C6orf118: variants seen among roughly 807,000 people sequenced by gnomAD.
C6orf118 encodes chromosome 6 open reading frame 118.
C6orf118 carries 50 observed loss-of-function variants against 50.2 expected under a neutral mutation model. That is an observed-to-expected ratio of 1.00 (90% CI 0.79 to 1.26). The LOEUF is 1.26. Among genes scored for constraint, C6orf118 ranks in the 50% most tolerant of loss-of-function variants. The pLI is 0.00. For missense variants in C6orf118, 641 were observed against 578.7 expected (o/e 1.11, Z -1.10); for synonymous variants, 239 against 230.9 (o/e 1.03, Z -0.32).
At chr6:165,295,764 A>G (rs1223019266) in intron 5 of C6orf118, among the ~76,000 whole-genome samples, 1 of 151,412 alleles carries the variant, frequency 6.6e-6, no homozygotes, top group Admixed American at 6.6e-5. Context: ...TTTCCTTTTT[A>G]TAGGTTTCTA....
At chr6:165,294,555 TAA>T (rs1321643394) in intron 5 of C6orf118, among the ~76,000 whole-genome samples, 9 of 152,082 alleles carry the variant, frequency 5.9e-5, no homozygotes, top group Non-Finnish European at 1.3e-4. Context: ...CATCACAGAT[TAA>T]GAGAGAAATA....
At chr6:165,280,324 A>G (rs1779685111) in intron 8 of C6orf118, among the ~76,000 whole-genome samples, 1 of 152,226 alleles carries the variant, frequency 6.6e-6, no homozygotes, top group African/African-American at 2.4e-5. Flanking sequence ...ATTCCCCTGT[A>G]GCATATAGTG....
intron 7 of C6orf118, among the ~76,000 whole-genome samples, chr6:165,288,837 T>G (rs1291885668): frequency 6.6e-6 from 1 of 152,072 alleles, no homozygotes; most frequent in African/African-American, 2.4e-5. Context: ...ATGTTGGGTT[T>G]AATCCCTAGG....
chr6:165,289,392 A>G (rs1267125915), intron 7 of C6orf118, among the ~76,000 whole-genome samples: 1 of 152,152 alleles, frequency 6.6e-6, no homozygotes, highest in Non-Finnish European at 1.5e-5. Context: ...CTACAACTGG[A>G]GGTTACATTG....
intron 5 of C6orf118, among the ~76,000 whole-genome samples, chr6:165,296,920 C>A (rs1184011149): frequency 6.6e-6 from 1 of 152,188 alleles, no homozygotes; most frequent in Non-Finnish European, 1.5e-5. Flanking sequence ...ACACACCAGA[C>A]AACAACCACG....
rs770663869 is a variant in C6orf118, at chr6:165,302,226, C to A, written c.96G>T (p.Thr32=). The A allele has an allele frequency of 6.2e-7, 1 of 1,613,838 alleles. No individual in the cohort carries two copies. The highest frequency in any genetic ancestry group is 1.1e-5 in the South Asian group (1 of 91,010). ...KTLCNLKHCE[T]PGVKTLCNLK... is the part of the protein sequence containing the mutation. ...GATTACACAGGGTCTTCACTCCTGG[C>A]GTCTCGCAGTGCTTCAGATTACACA... is the stretch of plus-strand genomic sequence containing the variant. The change falls in exon 2 of 9, where the codon ACG becomes ACT. Residue 32 remains threonine, a synonymous_variant. Transcript: ENST00000230301.
chr6:165,279,937 A>T lies in C6orf118; in HGVS notation c.*120T>A. 1.0e-6 allele frequency: 1 copy of T among 965,384 alleles called. No homozygotes were observed. Among genetic ancestry groups the T allele is most frequent in the African/African-American group, 1.7e-5 (1 of 60,074 alleles). The allele number at this position is 965,384 out of a possible 1,614,324, so 59.8% of individuals were successfully genotyped here. A position where few individuals can be genotyped will look rare whatever the true frequency, so the allele number is the denominator to read the frequency against. ...ATACATATACCACATTAATTTTACT[A>T]GAGATTAAAGCTGATGAAATGAAAT... On this transcript the variant is annotated 3_prime_UTR_variant, in exon 9 of 9. Coordinates refer to ENST00000230301, the MANE Select transcript of C6orf118 (RefSeq NM_144980.4).
intron 1 of C6orf118, among the ~76,000 whole-genome samples, chr6:165,306,279 T>C (rs1780723622): frequency 1.7e-5 from 1 of 58,830 alleles, no homozygotes; most frequent in South Asian, 7.6e-4. Flanking sequence ...AACAATGAGA[T>C]CACATGGACA....
At chr6:165,309,492 A>C in intron 1 of C6orf118, 70 bp downstream of exon 1, 35 of 1,469,180 alleles carry the variant, frequency 2.4e-5, no homozygotes, top group Non-Finnish European at 3.1e-5. Flanking sequence ...AGTCTTCAGA[A>C]GCCCATCCCT....
chr6:165,293,422 C>A lies in C6orf118; in HGVS notation c.1111G>T (p.Glu371Ter), dbSNP rs768253741. The A allele has an allele frequency of 1.9e-6, 3 of 1,613,994 alleles. No individual in the cohort carries two copies. The South Asian group carries it at 3.3e-5, about 18-fold the overall frequency. Residue 371 changes from glutamate (E) to a stop codon, truncating the protein, a stop_gained, in exon 6 of 9, where the codon GAA becomes TAA. Coordinates refer to ENST00000230301, the MANE Select transcript of C6orf118 (RefSeq NM_144980.4). LOFTEE classifies it high-confidence loss of function. ...TCACACAGACACCTGCCTGATCGTT[C>A]CTTTGCAGACTGCAGCAATGCCACC... ...MEVALLQSAK[E>*]RSESSEKHII...
chr6:165,281,208 G>A (rs551103480), intron 8 of C6orf118, among the ~76,000 whole-genome samples: 38 of 152,180 alleles, frequency 2.5e-4, no homozygotes, highest in South Asian at 4.1e-4. Context: ...GCCTTCCCAC[G>A]TTCCTGATTC....
At chr6:165,281,940 T>C (rs1456715192) in intron 7 of C6orf118, 2 of 265,492 alleles carry the variant, frequency 7.5e-6, no homozygotes, top group East Asian at 7.6e-5. Flanking sequence ...CAGAAAATTT[T>C]AGGGAAATTC....
intron 7 of C6orf118, among the ~76,000 whole-genome samples, chr6:165,283,454 C>G (rs945147944): frequency 8.5e-5 from 13 of 152,210 alleles, no homozygotes; most frequent in Non-Finnish European, 1.8e-4. Context: ...GGGACTCCCC[C>G]AAGCGCAGTG....
intron 5 of C6orf118, among the ~76,000 whole-genome samples, chr6:165,293,698 G>T (rs9457061): frequency 6.6e-6 from 1 of 151,944 alleles, no homozygotes; most frequent in Admixed American, 6.6e-5. Flanking sequence ...TAAAGAGTTA[G>T]TTAATTTAAA....
intron 8 of C6orf118, chr6:165,281,405 A>C: frequency 1.2e-6 from 1 of 818,332 alleles, no homozygotes; most frequent in South Asian, 2.6e-5. Flanking sequence ...TATCTAGTCT[A>C]ATCTAGTTTT....
In C6orf118 at chr6:165,291,912, A is replaced by T. The variant is rs1343497610; in HGVS notation, c.1120+1501T>A. ...AGAAATATTAATAACCCTTCCTGGTAGATAGTAAACAAGGTGGAAGTAACA... is the reference window on the plus strand; with the variant it reads ...AGAAATATTAATAACCCTTCCTGGTTGATAGTAAACAAGGTGGAAGTAACA... On this transcript the variant is annotated intron_variant, in intron 6 of 8. Coordinates refer to ENST00000230301, the MANE Select transcript of C6orf118 (RefSeq NM_144980.4). 3.3e-5 allele frequency among the ~76,000 whole-genome samples: 5 copies of T among 152,332 alleles called. No individual in the cohort carries two copies. In the East Asian group the frequency reaches 9.6e-4, roughly 29 times the overall value.
chr6:165,302,213 T>C lies in C6orf118; in HGVS notation c.109A>G (p.Thr37Ala). 6.2e-7 allele frequency: 1 copy of C among 1,612,628 alleles called. No individual in the cohort carries two copies. Among genetic ancestry groups the C allele is most frequent in the Non-Finnish European group, 8.5e-7 (1 of 1,179,042 alleles). ...AGAAGTTTCTTCAGATTACACAGGG[T>C]CTTCACTCCTGGCGTCTCGCAGTGC... ...LKHCETPGVK[T>A]LCNLKKLLNR... Residue 37 changes from threonine to alanine, a missense_variant, in exon 2 of 9, where the codon ACC (threonine) becomes GCC (alanine). Thr to Ala is a moderately conservative substitution (Grantham distance 58). Coordinates refer to ENST00000230301, the MANE Select transcript of C6orf118 (RefSeq NM_144980.4).
At chr6:165,298,857 T>C (rs778763743) in intron 4 of C6orf118, among the ~76,000 whole-genome samples, 13 of 152,226 alleles carry the variant, frequency 8.5e-5, no homozygotes, top group Non-Finnish European at 1.8e-4. Context: ...AGCAACTATC[T>C]TTCCTAATTT....
chr6:165,309,498 T>A, intron 1 of C6orf118, 64 bp downstream of exon 1: 1 of 1,572,618 alleles, frequency 6.4e-7, no homozygotes, highest in Non-Finnish European at 8.8e-7. Context: ...CAGAAGCCCA[T>A]CCCTCCACAA....
Sources: gnomAD v4.1 joint callset for allele counts (sites outside exome capture counted in the v4.1 genomes callset) on GRCh38, gnomAD v4.1.1 for gene constraint, MANE v1.5 for transcripts, NCBI Gene and HGNC (gene_info 2026-07-23, HGNC 2026-07-21) for gene names.